EHBP1: variants seen among roughly 807,000 people sequenced by gnomAD.
EHBP1 encodes EH domain binding protein 1.
EHBP1 carries 55 observed loss-of-function variants against 144.0 expected under a neutral mutation model. That is an observed-to-expected ratio of 0.38 (90% confidence interval 0.31 to 0.48). EHBP1 has a LOEUF of 0.48. EHBP1 is among the 20% of genes least tolerant of loss of function. EHBP1 has a pLI of 0.98. For synonymous variants in EHBP1, 469 were observed against 472.7 expected (o/e 0.99, Z 0.10); for missense variants, 1,200 against 1,364.2 (o/e 0.88, Z 1.90).
chr2:62,973,859 C>T (rs2058598400), intron 14 of EHBP1, among the ~76,000 whole-genome samples: 1 of 151,934 alleles, frequency 6.6e-6, no homozygotes, highest in Non-Finnish European at 1.5e-5. Flanking sequence ...ATTAGCCAGG[C>T]ATGGTGGCAC....
rs145139831 is a variant in EHBP1, at chr2:62,881,509, T to C, written c.1185+6977T>C. ...GAAGGAAAAAGGAAGGAAAGGAAAC[T>C]CTAAAGCAGCTAGGCATAAGAGACA... On this transcript the variant is annotated intron_variant, in intron 10 of 22. Coordinates refer to ENST00000431489, the MANE Select transcript of EHBP1 (RefSeq NM_001142616.3). 9.5e-5 allele frequency among the ~76,000 whole-genome samples: 14 copies of C among 147,534 alleles called. No homozygotes were observed. In the East Asian group the frequency reaches 2.8e-3, roughly 30 times the overall value.
intron 7 of EHBP1, among the ~76,000 whole-genome samples, chr2:62,853,874 T>C (rs2152768540): frequency 6.6e-6 from 1 of 152,286 alleles, no homozygotes; most frequent in Non-Finnish European, 1.5e-5. Flanking sequence ...GAATGAGTAG[T>C]AATATTTTGG....
intron 10 of EHBP1, among the ~76,000 whole-genome samples, chr2:62,904,952 AAT>A (rs2152957355): frequency 6.6e-6 from 1 of 152,298 alleles, no homozygotes; most frequent in South Asian, 2.1e-4. Flanking sequence ...ACAAAAAGTA[AAT>A]AATTTCAGAT....
At chr2:62,985,350 G>A (rs2059139895) in intron 15 of EHBP1, among the ~76,000 whole-genome samples, 1 of 151,960 alleles carries the variant, frequency 6.6e-6, no homozygotes, top group South Asian at 2.1e-4. Flanking sequence ...AATAATTGAC[G>A]CTGCTCTAAC....
At chr2:63,039,960 G>T (rs1386545090) in intron 21 of EHBP1, among the ~76,000 whole-genome samples, 1 of 151,916 alleles carries the variant, frequency 6.6e-6, no homozygotes, top group East Asian at 1.9e-4. Flanking sequence ...TTATAGCATT[G>T]ATAATGACTA....
chr2:62,778,919 G>A (rs528180166), intron 5 of EHBP1, among the ~76,000 whole-genome samples: 2 of 152,078 alleles, frequency 1.3e-5, no homozygotes, highest in Admixed American at 6.6e-5. Context: ...AATGTCTGGG[G>A]AAAGACTGGA....
intron 10 of EHBP1, among the ~76,000 whole-genome samples, chr2:62,894,793 CTGTG>C (rs1418408018): frequency 6.6e-6 from 1 of 152,028 alleles, no homozygotes; most frequent in Non-Finnish European, 1.5e-5. Flanking sequence ...GGCATGGTGC[CTGTG>C]GTCCTAGCTA....
chr2:62,933,609 C>T (rs1558937962), intron 10 of EHBP1, among the ~76,000 whole-genome samples: 1 of 151,948 alleles, frequency 6.6e-6, no homozygotes, highest in Non-Finnish European at 1.5e-5. Context: ...CATTTGATTA[C>T]ACAATATTGA....
intron 7 of EHBP1, among the ~76,000 whole-genome samples, chr2:62,838,526 C>T (rs2047496959): frequency 6.6e-6 from 1 of 152,052 alleles, no homozygotes; most frequent in Admixed American, 6.5e-5. Flanking sequence ...CACAAAAAGC[C>T]CTTCAAAAAA....
rs145605012 is a variant in EHBP1 at position 62,859,767 on chromosome 2, A to T, written c.757+476A>T. 8.1e-3 allele frequency among the ~76,000 whole-genome samples: 1,234 copies of T among 152,324 alleles called. 8 individuals carry two copies. The highest frequency in any genetic ancestry group is 0.027 in the Middle Eastern group (8 of 294). On this transcript the variant is annotated intron_variant, in intron 8 of 22. Transcript: ENST00000431489. ...AGAACCGCTGCTATTATATATATAT[A>T]TACAGCATACTTGTGAGGTATAAAA...
intron 4 of EHBP1, among the ~76,000 whole-genome samples, chr2:62,767,563 A>G (rs2152336324): frequency 6.6e-6 from 1 of 152,008 alleles, no homozygotes; most frequent in East Asian, 1.9e-4. Flanking sequence ...GACCAGGTGC[A>G]GTGGCTCACT....
chr2:62,977,341 C>T (rs1360395673), intron 14 of EHBP1, among the ~76,000 whole-genome samples: 1 of 152,004 alleles, frequency 6.6e-6, no homozygotes, highest in Non-Finnish European at 1.5e-5. Context: ...TTCAGGAAAA[C>T]TAGGTTATAT....
chr2:62,949,000 C>CA lies in EHBP1; in HGVS notation c.2161dup (p.Thr721AsnfsTer8), dbSNP rs1379721094. On this transcript the variant is annotated frameshift_variant, in exon 13 of 23. Transcript: ENST00000431489. LOFTEE classifies it high-confidence loss of function. ...GCAGATCAGATCCAGAATCTCCTAT[C>CA]AAAAAAACAAGTTTATCTCCTACTT... is the stretch of plus-strand genomic sequence containing the variant. 1 of 1,613,256 alleles carries CA rather than the reference C, an allele frequency of 6.2e-7. No homozygotes were observed. The highest frequency in any genetic ancestry group is 1.7e-5 in the Admixed American group (1 of 59,802).
chr2:63,014,110 A>G (rs1292482774), intron 19 of EHBP1, among the ~76,000 whole-genome samples: 1 of 152,182 alleles, frequency 6.6e-6, no homozygotes, highest in Admixed American at 6.5e-5. Context: ...TTGTCACAAG[A>G]TTATTAGAAA....
chr2:62,904,492 T>C (rs1573988413), intron 10 of EHBP1, among the ~76,000 whole-genome samples: 1 of 152,186 alleles, frequency 6.6e-6, no homozygotes, highest in East Asian at 1.9e-4. Context: ...CCCCATGAGT[T>C]AGGTGTCAGC....
intron 7 of EHBP1, among the ~76,000 whole-genome samples, 182 bp downstream of exon 7, chr2:62,831,340 T>G (rs975564734): frequency 6.6e-6 from 1 of 152,182 alleles, no homozygotes; most frequent in Admixed American, 6.5e-5. Flanking sequence ...ATAATAGATT[T>G]TAGCAGTTTG....
chr2:62,950,931 C>T (rs1441840829), intron 13 of EHBP1, among the ~76,000 whole-genome samples: 3 of 152,114 alleles, frequency 2.0e-5, no homozygotes, highest in South Asian at 2.1e-4. Flanking sequence ...GTGATCCACC[C>T]GCCTTGGCCT....
At chr2:62,767,080 G>A (rs962695630) in intron 4 of EHBP1, among the ~76,000 whole-genome samples, 3 of 151,698 alleles carry the variant, frequency 2.0e-5, no homozygotes, top group Admixed American at 6.6e-5. Context: ...CAGTAGCCCC[G>A]CTGATTTGCC....
intron 4 of EHBP1, among the ~76,000 whole-genome samples, chr2:62,765,540 C>A (rs2041110612): frequency 6.6e-6 from 1 of 152,088 alleles, no homozygotes. Context: ...AAAAGTCAGA[C>A]AGACCTGGAA....
Sources: allele counts gnomAD v4.1 joint callset (sites outside exome capture counted in the v4.1 genomes callset), GRCh38; gene constraint gnomAD v4.1.1; transcripts MANE v1.5; gene names NCBI Gene and HGNC (gene_info 2026-07-23, HGNC 2026-07-21).